HIF1A: variants seen among roughly 807,000 people sequenced by gnomAD.
HIF1A encodes the protein hypoxia-inducible factor 1-alpha.
Under a neutral mutation model 92.7 loss-of-function variants are expected in HIF1A, and 24 were observed. That is an observed-to-expected ratio of 0.26 (90% CI 0.19 to 0.36). The LOEUF is 0.36. Among genes scored for constraint, HIF1A ranks in the 10% least tolerant of loss-of-function variants. HIF1A has a pLI of 1.00. For missense variants in HIF1A, 799 were observed against 998.5 expected, an observed-to-expected ratio of 0.80 and a Z score of 2.69; for synonymous variants, 319 against 338.7, an observed-to-expected ratio of 0.94 and a Z score of 0.64.
intron 5 of HIF1A, 50 bp downstream of exon 5, chr14:61,726,868 C>T: frequency 9.9e-7 from 1 of 1,014,176 alleles, no homozygotes; most frequent in Non-Finnish European, 1.5e-6. Context: ...TATACATAGA[C>T]ATTGTAGTAT....
At position 61,732,400 on chromosome 14, in the gene HIF1A, TGTA is replaced by T; in HGVS notation, c.774-17_774-15del. Reference sequence around the variant, plus strand: ...TGTCTCCCTTTTTTTTCTTAAATCTTGTATTTTTTACTAACAGAATTACCGAAT... The same window carrying T: ...TGTCTCCCTTTTTTTTCTTAAATCTTTTTTTTACTAACAGAATTACCGAAT... On this transcript the variant is annotated splice_polypyrimidine_tract_variant and intron_variant, in intron 6 of 14. Coordinates refer to ENST00000337138, the MANE Select transcript of HIF1A (RefSeq NM_001530.4). The T allele has an allele frequency of 6.5e-7, 1 of 1,535,104 alleles. No homozygotes were observed. The highest frequency in any genetic ancestry group is 1.7e-5 in the Admixed American group (1 of 58,136).
intron 3 of HIF1A, 39 bp from the exon 4 acceptor site, chr14:61,721,700 T>A (rs777390581): frequency 1.2e-6 from 2 of 1,610,652 alleles, no homozygotes; most frequent in Non-Finnish European, 1.7e-6. Context: ...TTTTTATGAT[T>A]TTATGATCTA....
chr14:61,725,043 A>G (rs2044486506), intron 4 of HIF1A, among the ~76,000 whole-genome samples: 1 of 151,688 alleles, frequency 6.6e-6, no homozygotes, highest in Non-Finnish European at 1.5e-5. Context: ...TATTTTTCCT[A>G]CCTCTGTGCT....
chr14:61,702,439 C>CA lies in HIF1A; in HGVS notation c.35+6618dup, dbSNP rs149442775. Among the ~76,000 whole-genome samples the CA allele has an allele frequency of 6.5e-3, 509 of 78,614 alleles. 2 individuals carry two copies. Among genetic ancestry groups the CA allele is most frequent in the Middle Eastern group, 0.03 (3 of 100 alleles). The allele number at this position is 78,614 out of a possible 152,430, so 51.6% of individuals were successfully genotyped here. ...TGATGACAGTGTGAGATGCTGTCTC[C>CA]AAAAAAAAAAAAAAAAAATTAAAAA... On this transcript the variant is annotated intron_variant, in intron 1 of 14. Transcript: ENST00000337138.
At chr14:61,728,705 T>A (rs1594876753) in intron 6 of HIF1A, among the ~76,000 whole-genome samples, 1 of 152,190 alleles carries the variant, frequency 6.6e-6, no homozygotes, top group Non-Finnish European at 1.5e-5. Flanking sequence ...ATCCTTGCAC[T>A]CCTGCCATTG....
chr14:61,745,717 T>A lies in HIF1A; in HGVS notation c.2229T>A (p.Asp743Glu), dbSNP rs745776850. 4 of 1,613,082 alleles carry A rather than the reference T, an allele frequency of 2.5e-6. No homozygotes were observed. The highest frequency in any genetic ancestry group is 3.4e-6 in the Non-Finnish European group (4 of 1,179,252). Residue 743 changes from aspartate to glutamate, a missense_variant, in exon 14 of 15, where the codon GAT (aspartate) becomes GAA (glutamate). Asp to Glu is a conservative substitution (Grantham distance 45, BLOSUM62 2). Coordinates refer to ENST00000337138, the MANE Select transcript of HIF1A (RefSeq NM_001530.4). ...GIGTLLQQPD[D>E]HAATTSLSWK... is the part of the protein sequence containing the mutation. ...GAACATTATTACAGCAGCCAGACGA[T>A]CATGCAGCTACTACATCACTTTCTT...
chr14:61,715,398 T>A (rs1025210293), intron 1 of HIF1A, among the ~76,000 whole-genome samples: 2 of 152,196 alleles, frequency 1.3e-5, no homozygotes, highest in African/African-American at 4.8e-5. Context: ...CTTCTTTATG[T>A]CTTTGGCATG....
At chr14:61,733,743 T>C (rs1408344295) in intron 7 of HIF1A, among the ~76,000 whole-genome samples, 3 of 152,262 alleles carry the variant, frequency 2.0e-5, no homozygotes, top group African/African-American at 7.2e-5. Flanking sequence ...TACATATAGC[T>C]TTTTAAAGCA....
chr14:61,706,837 C>G (rs1367304948), intron 1 of HIF1A, among the ~76,000 whole-genome samples: 1 of 152,198 alleles, frequency 6.6e-6, no homozygotes, highest in Non-Finnish European at 1.5e-5. Flanking sequence ...ATTTTTTAAA[C>G]AGATGTGCCA....
Position 61,745,789 on chromosome 14 carries a change from G to T in HIF1A, c.2301G>T (p.Glu767Asp). 1.2e-6 allele frequency: 2 copies of T among 1,611,844 alleles called. No homozygotes were observed. The highest frequency in any genetic ancestry group is 1.7e-6 in the Non-Finnish European group (2 of 1,178,324). ...GCKSSEQNGM[E>D]QKTIILIPSD... ...AATCTAGTGAACAGAATGGAATGGA[G>T]CAAAAGACAATTATTTTAATACCCT... Residue 767 changes from glutamate to aspartate, a missense_variant, in exon 14 of 15, where the codon GAG becomes GAT. Coordinates refer to ENST00000337138, the MANE Select transcript of HIF1A (RefSeq NM_001530.4).
intron 1 of HIF1A, among the ~76,000 whole-genome samples, chr14:61,713,990 GTGT>G: frequency 6.6e-6 from 1 of 152,222 alleles, no homozygotes; most frequent in Non-Finnish European, 1.5e-5. Context: ...GTTGTCTTCT[GTGT>G]TGTTGATTGC....
chr14:61,712,956 AG>A (rs1172315298), intron 1 of HIF1A, among the ~76,000 whole-genome samples: 4 of 147,002 alleles, frequency 2.7e-5, no homozygotes, highest in African/African-American at 1.0e-4. Context: ...TGGAAGCCAG[AG>A]GAAAAAAAAA....
intron 4 of HIF1A, among the ~76,000 whole-genome samples, chr14:61,722,791 A>C (rs909910173): frequency 5.9e-5 from 9 of 152,168 alleles, no homozygotes; most frequent in Admixed American, 3.3e-4. Context: ...AGAGAGTAAG[A>C]CCTCTAATTC....
chr14:61,698,697 T>C (rs2044143583), intron 1 of HIF1A, among the ~76,000 whole-genome samples: 1 of 152,212 alleles, frequency 6.6e-6, no homozygotes, highest in Non-Finnish European at 1.5e-5. Context: ...GTTTTTTTCC[T>C]GTTACAATGG....
At chr14:61,697,559 GC>G (rs1309692379) in intron 1 of HIF1A, 6 of 356,832 alleles carry the variant, frequency 1.7e-5, no homozygotes, top group Non-Finnish European at 2.1e-5. Context: ...CTGTTCATCA[GC>G]CCCAATTCTA....
intron 3 of HIF1A, 29 bp downstream of exon 3, chr14:61,721,683 CTA>C (rs1356550105): frequency 1.2e-6 from 2 of 1,607,458 alleles, no homozygotes; most frequent in East Asian, 4.5e-5. Flanking sequence ...AAGAGCTCTT[CTA>C]TATGTTTTTA....
intron 7 of HIF1A, among the ~76,000 whole-genome samples, chr14:61,733,654 A>T (rs1406724943): frequency 1.3e-5 from 2 of 152,232 alleles, no homozygotes; most frequent in African/African-American, 4.8e-5. Context: ...GCATTTATTT[A>T]GTACTTTCTC....
chr14:61,706,811 G>A (rs1355802625), intron 1 of HIF1A, among the ~76,000 whole-genome samples: 1 of 152,106 alleles, frequency 6.6e-6, no homozygotes, highest in Non-Finnish European at 1.5e-5. Flanking sequence ...GTGCTCATCA[G>A]GATTATGTTG....
At position 61,745,797 on chromosome 14, in the gene HIF1A, CA is replaced by C; in HGVS notation, c.2311del (p.Ile771LeufsTer3). 20 of 1,611,202 alleles carry C rather than the reference CA, an allele frequency of 1.2e-5. No individual in the cohort carries two copies. Among genetic ancestry groups the C allele is most frequent in the Non-Finnish European group, 1.7e-5 (20 of 1,178,090 alleles). The part of the protein sequence containing the change: ...SSEQNGMEQK[T>X]IILIPSDLAC... ...GAACAGAATGGAATGGAGCAAAAGACAATTATTTTAATACCCTCTGGTTAGT... is the reference window on the plus strand; with the variant it reads ...GAACAGAATGGAATGGAGCAAAAGACATTATTTTAATACCCTCTGGTTAGT... On this transcript the variant is annotated frameshift_variant, in exon 14 of 15. Coordinates refer to ENST00000337138, the MANE Select transcript of HIF1A (RefSeq NM_001530.4). LOFTEE classifies it high-confidence loss of function.
Sources: allele counts gnomAD v4.1 joint callset (sites outside exome capture counted in the v4.1 genomes callset), GRCh38; gene constraint gnomAD v4.1.1; transcripts MANE v1.5; gene names NCBI Gene and HGNC (gene_info 2026-07-23, HGNC 2026-07-21).